XKR4: variants seen among roughly 807,000 people sequenced by gnomAD.
XKR4 encodes XK-related protein 4.
XKR4 carries 12 observed loss-of-function variants against 53.9 expected under a neutral mutation model. The observed-to-expected ratio is 0.22, with a 90% CI of 0.14 to 0.36. The LOEUF (loss-of-function observed/expected upper bound fraction) is 0.36, where lower values mean the gene tolerates loss of function less well. Among genes scored for constraint, XKR4 ranks in the 10% least tolerant of loss-of-function variants. The pLI, the probability that XKR4 is intolerant of heterozygous loss-of-function variation, is 1.00. For synonymous variants in XKR4, 354 were observed against 362.4 expected (o/e 0.98, Z 0.26); for missense variants, 799 against 859.5 (o/e 0.93, Z 0.88).
chr8:55,312,265 G>T (rs1256561554), intron 1 of XKR4, among the ~76,000 whole-genome samples: 1 of 151,736 alleles, frequency 6.6e-6, no homozygotes, highest in African/African-American at 2.4e-5. Context: ...ATCAATAGAG[G>T]TTACTAAACC....
intron 1 of XKR4, among the ~76,000 whole-genome samples, chr8:55,167,410 A>G (rs1817084781): frequency 6.6e-6 from 1 of 152,168 alleles, no homozygotes; most frequent in African/African-American, 2.4e-5. Context: ...TCAGCTGTGA[A>G]GACCTCATGA....
At chr8:55,421,591 A>G (rs1804933304) in intron 2 of XKR4, among the ~76,000 whole-genome samples, 1 of 152,202 alleles carries the variant, frequency 6.6e-6, no homozygotes, top group Non-Finnish European at 1.5e-5. Context: ...TGCATGCAAT[A>G]ACAGTCATTG....
At chr8:55,183,627 T>G (rs980006968) in intron 1 of XKR4, among the ~76,000 whole-genome samples, 1 of 152,166 alleles carries the variant, frequency 6.6e-6, no homozygotes, top group Admixed American at 6.5e-5. Flanking sequence ...TTATTTTAAA[T>G]GTGTCAAGAT....
chr8:55,132,048 C>T (rs546388841), intron 1 of XKR4, among the ~76,000 whole-genome samples: 10 of 152,274 alleles, frequency 6.6e-5, no homozygotes, highest in East Asian at 3.9e-4. Flanking sequence ...TTGGTCAGGC[C>T]ATGGGAATGT....
chr8:55,284,508 T>G (rs1054022864), intron 1 of XKR4, among the ~76,000 whole-genome samples: 3 of 152,152 alleles, frequency 2.0e-5, no homozygotes, highest in African/African-American at 7.2e-5. Context: ...CTGGGTTCCA[T>G]GCTGGCTGTT....
intron 1 of XKR4, among the ~76,000 whole-genome samples, chr8:55,153,063 G>A (rs1816859406): frequency 6.6e-6 from 1 of 152,158 alleles, no homozygotes; most frequent in Non-Finnish European, 1.5e-5. Context: ...AGCTCCCATA[G>A]GAGGATCCAG....
intron 1 of XKR4, among the ~76,000 whole-genome samples, chr8:55,231,150 A>C (rs1419098546): frequency 6.6e-6 from 1 of 152,216 alleles, no homozygotes; most frequent in Non-Finnish European, 1.5e-5. Context: ...GGTGGTATCT[A>C]TATGTGCACT....
At position 55,533,570 on chromosome 8, in the gene XKR4, G is replaced by C. The variant is rs1806985993; in HGVS notation, c.*9343G>C. 6.6e-6 allele frequency: 1 copy of C among 152,202 alleles called. No individual in the cohort carries two copies. The highest frequency in any genetic ancestry group is 2.4e-5 in the African/African-American group (1 of 41,450). 9.4% of individuals were successfully genotyped at this position (152,202 alleles called of 1,614,324 possible). A position where few individuals can be genotyped will look rare whatever the true frequency, so the allele number is the denominator to read the frequency against. On this transcript the variant is annotated 3_prime_UTR_variant, in exon 3 of 3. Coordinates refer to ENST00000327381, the MANE Select transcript of XKR4 (RefSeq NM_052898.2). ...TGCTGTAAGAGGAGGGAAGGCAGCAGTGAGCTGTCACTCAGAAATACAGTC... is the reference window on the plus strand; with the variant it reads ...TGCTGTAAGAGGAGGGAAGGCAGCACTGAGCTGTCACTCAGAAATACAGTC...
At position 55,155,250 on chromosome 8, in the gene XKR4, C is replaced by A. The variant is rs1251990101; in HGVS notation, c.806+51956C>A. ...CCCAGACAGCTGCAGCAGCTGTGTA[C>A]CCCTCATCCTTTTCAGAAGAAAATG... On this transcript the variant is annotated intron_variant, in intron 1 of 2. Transcript: ENST00000327381. 4.6e-5 allele frequency among the ~76,000 whole-genome samples: 7 copies of A among 152,252 alleles called. No homozygotes were observed. In the South Asian group the frequency reaches 1.5e-3, roughly 32 times the overall value.
At chr8:55,471,843 C>T (rs921553930) in intron 2 of XKR4, among the ~76,000 whole-genome samples, 1 of 152,118 alleles carries the variant, frequency 6.6e-6, no homozygotes, top group African/African-American at 2.4e-5. Context: ...TTGCCTTCTG[C>T]CATGACTGGA....
At chr8:55,368,029 C>T (rs907868447) in intron 2 of XKR4, among the ~76,000 whole-genome samples, 4 of 152,124 alleles carry the variant, frequency 2.6e-5, no homozygotes, top group Non-Finnish European at 4.4e-5. Flanking sequence ...GGCACAATCT[C>T]GGCTCACTGC....
At chr8:55,143,379 T>C (rs1816731362) in intron 1 of XKR4, among the ~76,000 whole-genome samples, 1 of 152,204 alleles carries the variant, frequency 6.6e-6, no homozygotes, top group Non-Finnish European at 1.5e-5. Context: ...TATAAAAAAT[T>C]ATCTCACATC....
rs559027961 is a variant in XKR4 at position 55,437,161 on chromosome 8, G to A, written c.1006+79284G>A. Among the ~76,000 whole-genome samples the A allele has an allele frequency of 2.6e-5, 4 of 152,098 alleles. No homozygotes were observed. In the East Asian group the frequency reaches 7.7e-4, roughly 29 times the overall value. ...CAAACTGAATCAAGAGATGACTTTA[G>A]CAAACTGCTTATTCAATTTTCTTTT... On this transcript the variant is annotated intron_variant, in intron 2 of 2. Transcript: ENST00000327381.
intron 1 of XKR4, among the ~76,000 whole-genome samples, chr8:55,184,812 G>A (rs2129360240): frequency 6.6e-6 from 1 of 152,010 alleles, no homozygotes; most frequent in Middle Eastern, 3.4e-3. Context: ...GTTGTGTTTA[G>A]GTAATATAAA....
intron 2 of XKR4, among the ~76,000 whole-genome samples, chr8:55,510,042 T>G (rs1193871188): frequency 1.3e-5 from 2 of 152,130 alleles, no homozygotes; most frequent in Non-Finnish European, 2.9e-5. Flanking sequence ...AGAACCTACT[T>G]GGGCTTCAGG....
chr8:55,256,248 T>A (rs114097018), intron 1 of XKR4, among the ~76,000 whole-genome samples: 1,803 of 152,318 alleles, frequency 0.012, 23 homozygotes, highest in Middle Eastern at 0.068. Flanking sequence ...TTGGGTCTTA[T>A]GGATCTTATT....
rs561800649 is a variant in XKR4 at position 55,293,632 on chromosome 8, A to T, written c.807-64046A>T. 1.5e-4 allele frequency among the ~76,000 whole-genome samples: 23 copies of T among 152,274 alleles called. 1 individual carries two copies. The South Asian group carries it at 4.6e-3, about 30-fold the overall frequency. ...GTAAAATCATGATGTAATTTTAGTA[A>T]AATTGCAGATATTCTATCAGGAAGA... On this transcript the variant is annotated intron_variant, in intron 1 of 2. Coordinates refer to ENST00000327381, the MANE Select transcript of XKR4 (RefSeq NM_052898.2).
intron 1 of XKR4, among the ~76,000 whole-genome samples, chr8:55,248,893 C>T (rs1248093236): frequency 6.6e-6 from 1 of 152,038 alleles, no homozygotes; most frequent in Non-Finnish European, 1.5e-5. Flanking sequence ...ACTGTCATGT[C>T]TCAGTGGAGA....
rs1563343035 is a variant in XKR4, at chr8:55,408,868, A to G, written c.1006+50991A>G. Among the ~76,000 whole-genome samples, 3 of 152,066 alleles carry G rather than the reference A, an allele frequency of 2.0e-5. No individual in the cohort carries two copies. In the South Asian group the frequency reaches 6.2e-4, roughly 32 times the overall value. ...CCAAATATACAAAAATTAGCAGGGCATGGTGGCGTGCGCCTGTAGTCCCAG... is the reference window on the plus strand; with the variant it reads ...CCAAATATACAAAAATTAGCAGGGCGTGGTGGCGTGCGCCTGTAGTCCCAG... On this transcript the variant is annotated intron_variant, in intron 2 of 2. Coordinates refer to ENST00000327381, the MANE Select transcript of XKR4 (RefSeq NM_052898.2).
Sources: gnomAD v4.1 joint callset for allele counts (sites outside exome capture counted in the v4.1 genomes callset) on GRCh38, gnomAD v4.1.1 for gene constraint, MANE v1.5 for transcripts, NCBI Gene and HGNC (gene_info 2026-07-23, HGNC 2026-07-21) for gene names.